Variants in PCDH17 observed in about 807,000 individuals in gnomAD.
PCDH17 encodes the protein protocadherin 17.
A neutral mutation model predicts 67.7 loss-of-function variants in PCDH17; 21 were observed. That is an observed-to-expected ratio of 0.31 (90% confidence interval 0.22 to 0.45). PCDH17 has a LOEUF of 0.45. PCDH17 is among the 20% of genes least tolerant of loss of function. The pLI is 1.00. For missense variants in PCDH17, 1,471 were observed against 1,564.8 expected, an observed-to-expected ratio of 0.94 and a Z score of 1.01; for synonymous variants, 701 against 656.7, an observed-to-expected ratio of 1.07 and a Z score of -1.03.
At chr13:57,665,454 C>A (rs1032867579) in intron 1 of PCDH17, among the ~76,000 whole-genome samples, 1 of 152,048 alleles carries the variant, frequency 6.6e-6, no homozygotes, top group African/African-American at 2.4e-5. Context: ...TTAAGTCTTA[C>A]CTTGGGCCCT....
Position 57,632,444 on chromosome 13 carries a change from C to T in PCDH17, c.-103C>T. ...GAAAAAAGGACCCATAGACTTGTGGCTCGCGTCGCGCGCGCACGCTGCGCC... is the reference window on the plus strand; with the variant it reads ...GAAAAAAGGACCCATAGACTTGTGGTTCGCGTCGCGCGCGCACGCTGCGCC... On this transcript the variant is annotated 5_prime_UTR_variant, in exon 1 of 4. Transcript: ENST00000377918. The T allele has an allele frequency of 8.3e-7, 1 of 1,208,292 alleles. No individual in the cohort carries two copies. Among genetic ancestry groups the T allele is most frequent in the East Asian group, 2.5e-5 (1 of 39,432 alleles). The allele number at this position is 1,208,292 out of a possible 1,614,324, so 74.8% of individuals were successfully genotyped here.
chr13:57,685,916 G>A (rs957259820), intron 3 of PCDH17, among the ~76,000 whole-genome samples: 1 of 151,628 alleles, frequency 6.6e-6, no homozygotes, highest in Non-Finnish European at 1.5e-5. Flanking sequence ...TGAGATCCCC[G>A]TCTCTATGAA....
chr13:57,677,620 T>C (rs1394951038), intron 3 of PCDH17, among the ~76,000 whole-genome samples: 2 of 151,802 alleles, frequency 1.3e-5, no homozygotes, highest in African/African-American at 4.8e-5. Flanking sequence ...GGAAGCTACA[T>C]AGTCACAGTG....
At chr13:57,675,445 A>G (rs1252035116) in intron 3 of PCDH17, among the ~76,000 whole-genome samples, 1 of 151,966 alleles carries the variant, frequency 6.6e-6, no homozygotes, top group African/African-American at 2.4e-5. Context: ...GGGAGCTCAC[A>G]CTGTCATAAG....
chr13:57,686,871 T>A (rs1373004026), intron 3 of PCDH17, among the ~76,000 whole-genome samples: 1 of 152,054 alleles, frequency 6.6e-6, no homozygotes, highest in Non-Finnish European at 1.5e-5. Flanking sequence ...CAAGAAGGGA[T>A]GCTTACAATT....
intron 3 of PCDH17, among the ~76,000 whole-genome samples, chr13:57,685,031 G>T (rs1440992798): frequency 6.6e-6 from 1 of 151,850 alleles, no homozygotes; most frequent in Non-Finnish European, 1.5e-5. Context: ...ACTTTAAAAA[G>T]AAGTCAGATT....
intron 3 of PCDH17, among the ~76,000 whole-genome samples, chr13:57,682,628 T>G (rs1955464004): frequency 6.6e-6 from 1 of 151,834 alleles, no homozygotes; most frequent in Non-Finnish European, 1.5e-5. Flanking sequence ...GTTGTTGTTG[T>G]TGTTTTTGCA....
chr13:57,638,580 A>G (rs1954853168), intron 1 of PCDH17, among the ~76,000 whole-genome samples: 1 of 152,098 alleles, frequency 6.6e-6, no homozygotes, highest in African/African-American at 2.4e-5. Flanking sequence ...TGTTTTACAA[A>G]TCAATTTCAA....
chr13:57,633,125 A>C lies in PCDH17; in HGVS notation c.579A>C (p.Pro193=). 1 of 1,613,514 alleles carries C rather than the reference A, an allele frequency of 6.2e-7. No individual in the cohort carries two copies. The highest frequency in any genetic ancestry group is 8.5e-7 in the Non-Finnish European group (1 of 1,179,982). The change falls in exon 1 of 4, where the codon CCA becomes CCC. Residue 193 remains proline, a synonymous_variant. Coordinates refer to ENST00000377918, the MANE Select transcript of PCDH17 (RefSeq NM_001040429.3). The surrounding 1 kb of genome is among the most constrained non-coding windows in gnomAD (Gnocchi z 6.2). The part of the protein sequence containing the change: ...VKSRGDGTKF[P]ELVIQKALDR... ...CCCGCGGCGACGGCACCAAGTTCCC[A>C]GAACTGGTCATCCAGAAGGCTCTGG...
intron 1 of PCDH17, among the ~76,000 whole-genome samples, chr13:57,645,011 T>C (rs774804106): frequency 6.6e-6 from 1 of 151,600 alleles, no homozygotes; most frequent in Non-Finnish European, 1.5e-5. Context: ...CTAGGGATTT[T>C]AAAGTGCAGT....
At chr13:57,721,360 C>T (rs1226716865) in intron 3 of PCDH17, among the ~76,000 whole-genome samples, 1 of 151,920 alleles carries the variant, frequency 6.6e-6, no homozygotes. Flanking sequence ...GGTTTCTGGA[C>T]TTGTTTTCTG....
rs994116147 is a variant in PCDH17 at position 57,726,644 on chromosome 13, A to T, written c.*1350A>T. 3 of 152,650 alleles carry T rather than the reference A, an allele frequency of 2.0e-5. No individual in the cohort carries two copies. The highest frequency in any genetic ancestry group is 7.2e-5 in the African/African-American group (3 of 41,460). The allele number at this position is 152,650 out of a possible 1,614,324, so 9.5% of individuals were successfully genotyped here. Reference sequence around the variant, plus strand: ...TGAAAGGTCAAAAATTACATCCATCAGTCATGGTTATGTGCAAGTCCTTGT... The same window carrying T: ...TGAAAGGTCAAAAATTACATCCATCTGTCATGGTTATGTGCAAGTCCTTGT... On this transcript the variant is annotated 3_prime_UTR_variant, in exon 4 of 4. Coordinates refer to ENST00000377918, the MANE Select transcript of PCDH17 (RefSeq NM_001040429.3).
At chr13:57,702,754 T>G (rs1955679226) in intron 3 of PCDH17, among the ~76,000 whole-genome samples, 1 of 152,186 alleles carries the variant, frequency 6.6e-6, no homozygotes, top group Non-Finnish European at 1.5e-5. Flanking sequence ...AGCCAGTCTC[T>G]GACTATAAAG....
chr13:57,685,915 C>T (rs1032868267), intron 3 of PCDH17, among the ~76,000 whole-genome samples: 2 of 151,688 alleles, frequency 1.3e-5, no homozygotes, highest in Admixed American at 6.6e-5. Context: ...GTGAGATCCC[C>T]GTCTCTATGA....
Position 57,632,647 on chromosome 13 carries a change from T to C in PCDH17, c.101T>C (p.Val34Ala). 6.2e-7 allele frequency: 1 copy of C among 1,613,104 alleles called. No homozygotes were observed. The highest frequency in any genetic ancestry group is 1.1e-5 in the South Asian group (1 of 91,082). ...SVPEEQGAGTVIGNIGRDARL... is the reference protein window; with the variant it reads ...SVPEEQGAGTAIGNIGRDARL... ...CCGGAGGAGCAAGGGGCCGGCACGG[T>C]GATCGGGAACATCGGCAGGGATGCT... The change falls in exon 1 of 4, where the codon GTG (valine) becomes GCG (alanine). Residue 34 changes from valine (V) to alanine (A), a missense_variant. Transcript: ENST00000377918.
intron 3 of PCDH17, among the ~76,000 whole-genome samples, chr13:57,691,159 A>T (rs1955555002): frequency 6.6e-6 from 1 of 151,428 alleles, no homozygotes; most frequent in African/African-American, 2.4e-5. Context: ...ATTATGAAGA[A>T]ATATTTAATT....
chr13:57,714,223 T>C (rs1371256052), intron 3 of PCDH17, among the ~76,000 whole-genome samples: 2 of 151,742 alleles, frequency 1.3e-5, no homozygotes, highest in African/African-American at 2.4e-5. Flanking sequence ...TTCTGTTTGC[T>C]TGTTTCTAGC....
chr13:57,675,200 CGTA>C (rs767669725), intron 3 of PCDH17, among the ~76,000 whole-genome samples: 3 of 151,894 alleles, frequency 2.0e-5, no homozygotes, highest in Non-Finnish European at 4.4e-5. Context: ...TCAATCCAGA[CGTA>C]CCCACTGACA....
chr13:57,655,169 G>GT (rs749473095), intron 1 of PCDH17, among the ~76,000 whole-genome samples: 1 of 150,494 alleles, frequency 6.6e-6, no homozygotes, highest in Admixed American at 6.7e-5. Flanking sequence ...ATTTTATTTT[G>GT]TTTTTTCTAT....
Sources: gnomAD v4.1 joint callset for allele counts (sites outside exome capture counted in the v4.1 genomes callset) on GRCh38, gnomAD v4.1.1 for gene constraint, Gnocchi (gnomAD v3.1) non-coding constraint, MANE v1.5 for transcripts, NCBI Gene and HGNC (gene_info 2026-07-23, HGNC 2026-07-21) for gene names.